Variants in ZNF701 observed in about 807,000 individuals in gnomAD.
ZNF701 encodes the protein zinc finger protein 701.
Under a neutral mutation model 7.1 loss-of-function variants are expected in ZNF701, and 6 were observed. That is an observed-to-expected ratio of 0.84 (90% confidence interval 0.46 to 1.66). The LOEUF is 1.66. Ranked by LOEUF, ZNF701 falls within the 40% of genes most tolerant of loss-of-function variation. The pLI is 0.01. For missense variants in ZNF701, 541 were observed against 559.2 expected (o/e 0.97, Z 0.33); for synonymous variants, 166 against 188.2 (o/e 0.88, Z 0.97).
chr19:52,572,390 C>T (rs1243763984), intron 1 of ZNF701: 3 of 1,288,518 alleles, frequency 2.3e-6, no homozygotes, highest in Admixed American at 2.3e-5. Context: ...TGTCTTTGTA[C>T]ATCTGCATTT....
downstream of ZNF701, among the ~76,000 whole-genome samples, chr19:52,588,205 C>G (rs1435260437): frequency 3.3e-5 from 5 of 150,408 alleles, no homozygotes; most frequent in Non-Finnish European, 7.4e-5. Context: ...CACTAAATCT[C>G]AGCTGGGTGC....
chr19:52,592,057 C>A (rs1250074646), downstream of ZNF701: 2 of 722,976 alleles, frequency 2.8e-6, no homozygotes, highest in Non-Finnish European at 4.8e-6. Context: ...AAGGTGATGA[C>A]TCACTCCTCC....
chr19:52,583,754 T>G lies in ZNF701; in HGVS notation c.*297T>G. ...CCTTTGGTGGTCAGTCAACACTTAC[T>G]CACCATCAAGCAATCCATGGTATAG... is the stretch of plus-strand genomic sequence containing the variant. On this transcript the variant is annotated 3_prime_UTR_variant, in exon 4 of 4. Coordinates refer to ENST00000391785, the MANE Select transcript of ZNF701 (RefSeq NM_018260.3). The G allele has an allele frequency of 1.6e-6, 1 of 622,476 alleles. No homozygotes were observed. The highest frequency in any genetic ancestry group is 1.7e-5 in the South Asian group (1 of 59,046). 38.6% of individuals were successfully genotyped at this position (622,476 alleles called of 1,614,324 possible). A position where few individuals can be genotyped will look rare whatever the true frequency, so the allele number is the denominator to read the frequency against.
intron 3 of ZNF701, among the ~76,000 whole-genome samples, chr19:52,579,940 AATTATT>A (rs1243154450): frequency 7.1e-6 from 1 of 141,634 alleles, no homozygotes; most frequent in African/African-American, 3.1e-5. Context: ...TCTCCTCTAG[AATTATT>A]ATTATTATTT....
chr19:52,593,367 C>T, the ZNF701 span, among the ~76,000 whole-genome samples: 3,230 of 114,442 alleles, frequency 0.028, 933 homozygotes, highest in Non-Finnish European at 0.04. Flanking sequence ...CGGGCAGAGG[C>T]GCCCCTCACC....
chr19:52,571,822 C>T (rs921547438), intron 1 of ZNF701, among the ~76,000 whole-genome samples: 8 of 151,882 alleles, frequency 5.3e-5, no homozygotes, highest in African/African-American at 1.7e-4. Context: ...TCACCGCAAC[C>T]CTTTTTGGTT....
chr19:52,593,026 C>G, the ZNF701 span, among the ~76,000 whole-genome samples: 1 of 117,148 alleles, frequency 8.5e-6, no homozygotes, highest in Non-Finnish European at 1.8e-5. Context: ...CAAAGCACAT[C>G]TTGCACCACC....
At chr19:52,597,406 A>AT in the ZNF701 span, 1 of 525,642 alleles carries the variant, frequency 1.9e-6, no homozygotes. Flanking sequence ...CAGAAAATTC[A>AT]TTTTTGAGAT....
chr19:52,584,659 C>G lies in ZNF701; in HGVS notation c.*1202C>G, dbSNP rs1297526375. The stretch of plus-strand genomic sequence containing the variant: ...ATTCTCAGTTTTTTTATGTTTATTC[C>G]TAAGTATTTCTTACTTTAAGATCTC... On this transcript the variant is annotated 3_prime_UTR_variant, in exon 4 of 4. Coordinates refer to ENST00000391785, the MANE Select transcript of ZNF701 (RefSeq NM_018260.3). The G allele has an allele frequency of 6.6e-6, 1 of 152,070 alleles. No individual in the cohort carries two copies. The highest frequency in any genetic ancestry group is 1.5e-5 in the Non-Finnish European group (1 of 68,016). The allele number at this position is 152,070 out of a possible 1,614,324, so 9.4% of individuals were successfully genotyped here. A position where few individuals can be genotyped will look rare whatever the true frequency, so the allele number is the denominator to read the frequency against.
chr19:52,571,877 G>A (rs1232008805), intron 1 of ZNF701, among the ~76,000 whole-genome samples: 1 of 151,906 alleles, frequency 6.6e-6, no homozygotes, highest in Admixed American at 6.6e-5. Context: ...GTGCTGGAGT[G>A]CAATGGTGCG....
At chr19:52,595,021 G>C in the ZNF701 span, among the ~76,000 whole-genome samples, 1 of 151,974 alleles carries the variant, frequency 6.6e-6, no homozygotes, top group Non-Finnish European at 1.5e-5. Context: ...TGCTCTTGTT[G>C]CCCAGGCTGG....
At chr19:52,592,818 T>C in the ZNF701 span, among the ~76,000 whole-genome samples, 43 of 48,872 alleles carry the variant, frequency 8.8e-4, 13 homozygotes, top group African/African-American at 3.4e-3. Flanking sequence ...TCTTGGGTGT[T>C]TCTCACAGAG....
the ZNF701 span, among the ~76,000 whole-genome samples, chr19:52,595,358 C>T: frequency 1.3e-5 from 2 of 152,012 alleles, no homozygotes; most frequent in African/African-American, 4.8e-5. Context: ...CAAGCTCTGC[C>T]TCCAGGGTTC....
At chr19:52,593,130 A>G in the ZNF701 span, among the ~76,000 whole-genome samples, 1 of 118,790 alleles carries the variant, frequency 8.4e-6, no homozygotes, top group South Asian at 2.8e-4. Flanking sequence ...CCAAGGCAGA[A>G]GAATTTTTCT....
chr19:52,577,931 G>T (rs372426740), intron 3 of ZNF701, among the ~76,000 whole-genome samples: 3 of 152,040 alleles, frequency 2.0e-5, no homozygotes, highest in African/African-American at 7.2e-5. Flanking sequence ...GCGGTAGAAG[G>T]AATAGTGAAA....
the ZNF701 span, chr19:52,596,973 C>A: frequency 1.2e-6 from 1 of 800,140 alleles, no homozygotes; most frequent in Non-Finnish European, 2.1e-6. Flanking sequence ...ACTTTTTTAT[C>A]ATCAAGCAAT....
downstream of ZNF701, among the ~76,000 whole-genome samples, chr19:52,588,793 G>A (rs2060025520): frequency 6.6e-6 from 1 of 152,086 alleles, no homozygotes; most frequent in African/African-American, 2.4e-5. Flanking sequence ...GCCCAGGCTG[G>A]AGTTCACTGG....
intron 3 of ZNF701, among the ~76,000 whole-genome samples, chr19:52,576,414 G>A (rs1040467656): frequency 2.0e-5 from 3 of 152,028 alleles, no homozygotes; most frequent in African/African-American, 7.2e-5. Flanking sequence ...CGTGGTGCAT[G>A]CCTGTAATCC....
At chr19:52,572,956 T>G in intron 1 of ZNF701, 1 of 288,868 alleles carries the variant, frequency 3.5e-6, no homozygotes, top group Non-Finnish European at 6.7e-6. Context: ...CTTCAGGTCC[T>G]GGCTCAGAAA....
Sources: gnomAD v4.1 joint callset for allele counts (sites outside exome capture counted in the v4.1 genomes callset) on GRCh38, gnomAD v4.1.1 for gene constraint, MANE v1.5 for transcripts, NCBI Gene and HGNC (gene_info 2026-07-23, HGNC 2026-07-21) for gene names.